The following ABHD2 variants were observed in gnomAD, a reference collection of about 807,000 sequenced individuals.
ABHD2 encodes the protein abhydrolase domain containing 2, acylglycerol lipase.
In ABHD2, 20 loss-of-function variants were observed where a neutral mutation model predicts 48.1. The ratio of observed to expected loss-of-function variants is 0.42; its 90% CI spans 0.29 to 0.60. The LOEUF is 0.60. Ranked by LOEUF, ABHD2 falls within the 20% of genes least tolerant of loss-of-function variation. The pLI is 0.24. For synonymous variants in ABHD2, 209 were observed against 214.2 expected (o/e 0.98, Z 0.21); for missense variants, 405 against 550.9 (o/e 0.74, Z 2.65).
At chr15:89,043,214 C>G in the ABHD2 span, among the ~76,000 whole-genome samples, 1 of 152,192 alleles carries the variant, frequency 6.6e-6, no homozygotes, top group Admixed American at 6.5e-5. Context: ...GGCAGCCAAC[C>G]CTGCCTGAGC....
rs576124576 is a variant in ABHD2 at position 89,099,662 on chromosome 15, G to T, written c.-107+11099G>T. ...AGGCGGGGTGCAGTAGCTCATACCT[G>T]TAATCCCAGCACTTTGGGAGGCCGA... On this transcript the variant is annotated intron_variant, in intron 1 of 10. Coordinates refer to ENST00000352732, the MANE Select transcript of ABHD2 (RefSeq NM_152924.5). 2.0e-5 allele frequency among the ~76,000 whole-genome samples: 3 copies of T among 151,038 alleles called. No homozygotes were observed. The South Asian group carries it at 6.3e-4, about 32-fold the overall frequency.
At chr15:89,048,431 C>G in the ABHD2 span, among the ~76,000 whole-genome samples, 1 of 150,446 alleles carries the variant, frequency 6.6e-6, no homozygotes, top group Admixed American at 6.6e-5. Context: ...TTTCCTGAAT[C>G]TGAACGTTGG....
At chr15:89,123,362 A>G (rs988637516) in intron 3 of ABHD2, among the ~76,000 whole-genome samples, 6 of 152,132 alleles carry the variant, frequency 3.9e-5, no homozygotes, top group Non-Finnish European at 8.8e-5. Context: ...TTCTCATCAT[A>G]ATGTGTCCAA....
At chr15:89,050,957 G>A in the ABHD2 span, among the ~76,000 whole-genome samples, 1 of 152,174 alleles carries the variant, frequency 6.6e-6, no homozygotes, top group Non-Finnish European at 1.5e-5. Context: ...AATAGGCCAG[G>A]CACAGTGGCT....
At chr15:89,160,041 A>G (rs985025809) in intron 5 of ABHD2, among the ~76,000 whole-genome samples, 1 of 152,258 alleles carries the variant, frequency 6.6e-6, no homozygotes, top group Non-Finnish European at 1.5e-5. Context: ...TGTAAAAATT[A>G]AAACATCTTT....
At chr15:89,083,550 G>A (rs1021441208), upstream of ABHD2, among the ~76,000 whole-genome samples, 2 of 152,178 alleles carry the variant, frequency 1.3e-5, no homozygotes, top group Admixed American at 1.3e-4. The surrounding 1 kb of genome is among the most constrained non-coding windows in gnomAD (Gnocchi z 5.1). Context: ...TCCTATATAT[G>A]TAAGTATAAA....
Position 89,102,697 on chromosome 15 carries a change from T to G in ABHD2, c.-106-11028T>G, listed in dbSNP as rs2049720012. The G allele has an allele frequency of 6.6e-6, 1 of 152,236 alleles. No homozygotes were observed. Among genetic ancestry groups the G allele is most frequent in the African/African-American group, 2.4e-5 (1 of 41,460 alleles). The allele number at this position is 152,236 out of a possible 1,614,324, so 9.4% of individuals were successfully genotyped here. A position where few individuals can be genotyped will look rare whatever the true frequency, so the allele number is the denominator to read the frequency against. On this transcript the variant is annotated intron_variant, in intron 1 of 10. Transcript: ENST00000352732. The surrounding 1 kb of genome is among the most constrained non-coding windows in gnomAD (Gnocchi z 4.8). Reference sequence around the variant, plus strand: ...GAAACTGATGAGGAGGCAAGACGAATGTATTGGGAAAGCCCAGCGGAGGAA... The same window carrying G: ...GAAACTGATGAGGAGGCAAGACGAAGGTATTGGGAAAGCCCAGCGGAGGAA...
At chr15:89,044,440 A>G in the ABHD2 span, among the ~76,000 whole-genome samples, 1 of 152,040 alleles carries the variant, frequency 6.6e-6, no homozygotes, top group Non-Finnish European at 1.5e-5. Context: ...GGCTGGGTCA[A>G]ATGGTATTTC....
chr15:89,175,699 A>G lies in ABHD2; in HGVS notation c.539-113A>G. On this transcript the variant is annotated intron_variant, in intron 5 of 10. Coordinates refer to ENST00000352732, the MANE Select transcript of ABHD2 (RefSeq NM_152924.5). The surrounding 1 kb of genome is among the most constrained non-coding windows in gnomAD (Gnocchi z 5.7). The stretch of plus-strand genomic sequence containing the variant: ...CACACACACGTATATATACACATAT[A>G]TATTTCTCTCTCTTTTAGTATACTG... 2 of 1,113,042 alleles carry G rather than the reference A, an allele frequency of 1.8e-6. No homozygotes were observed. The highest frequency in any genetic ancestry group is 2.1e-4 in the Middle Eastern group (1 of 4,792). The allele number at this position is 1,113,042 out of a possible 1,614,324, so 68.9% of individuals were successfully genotyped here.
the ABHD2 span, among the ~76,000 whole-genome samples, chr15:89,057,908 C>A: frequency 6.6e-6 from 1 of 152,194 alleles, no homozygotes; most frequent in African/African-American, 2.4e-5. Flanking sequence ...TGACTTCTTT[C>A]CTGCAGCTCT....
Position 89,179,511 on chromosome 15 carries a change from C to T in ABHD2, c.722+3516C>T, listed in dbSNP as rs1343141959. ...ATGATCTGTCGCTGTCTCCCATCAC[C>T]CCCAGATGGGACTGTCTAGTTGCAG... On this transcript the variant is annotated intron_variant, in intron 6 of 10. Transcript: ENST00000352732. The surrounding 1 kb of genome is among the most constrained non-coding windows in gnomAD (Gnocchi z 4.3). Among the ~76,000 whole-genome samples, 2 of 152,100 alleles carry T rather than the reference C, an allele frequency of 1.3e-5. No homozygotes were observed. Among genetic ancestry groups the T allele is most frequent in the Admixed American group, 1.3e-4 (2 of 15,266 alleles).
At chr15:89,046,934 G>A in the ABHD2 span, among the ~76,000 whole-genome samples, 1 of 151,848 alleles carries the variant, frequency 6.6e-6, no homozygotes, top group African/African-American at 2.4e-5. Context: ...CTTGCCTTCT[G>A]CTAGCTTTTG....
intron 5 of ABHD2, among the ~76,000 whole-genome samples, chr15:89,157,212 C>T (rs2050689000): frequency 6.6e-6 from 1 of 152,176 alleles, no homozygotes; most frequent in South Asian, 2.1e-4. Context: ...GTGTCTTGTA[C>T]ATAGAATTAT....
In ABHD2 at chr15:89,116,446, C is replaced by G. The variant is rs556278380; in HGVS notation, c.119C>G (p.Ala40Gly). The G allele has an allele frequency of 1.2e-6, 2 of 1,614,234 alleles. No homozygotes were observed. The highest frequency in any genetic ancestry group is 2.2e-5 in the East Asian group (1 of 44,890). Residue 40 changes from alanine (A) to glycine (G), a missense_variant, in exon 3 of 11, where the codon GCC becomes GGC. By Grantham distance (60) the Ala-to-Gly change is moderately conservative (BLOSUM62 0). Coordinates refer to ENST00000352732, the MANE Select transcript of ABHD2 (RefSeq NM_152924.5). The surrounding 1 kb of genome is among the most constrained non-coding windows in gnomAD (Gnocchi z 4.6). ...VRCLNLKSPTAPPDLYFQDSG... is the reference protein window; with the variant it reads ...VRCLNLKSPTGPPDLYFQDSG... The stretch of plus-strand genomic sequence containing the variant: ...TGTTTGAACCTGAAGAGCCCCACAG[C>G]CCCACCTGACCTCTACTTCCAGGAC...
chr15:89,135,409 A>T (rs2050291745), intron 3 of ABHD2: 1 of 594,936 alleles, frequency 1.7e-6, no homozygotes, highest in Non-Finnish European at 3.0e-6. Context: ...AACTATACAA[A>T]AAAAAAAAGA....
In ABHD2 at chr15:89,155,063, T is replaced by C. The variant is rs1474619290; in HGVS notation, c.371-304T>C. Among the ~76,000 whole-genome samples, 1 of 152,226 alleles carries C rather than the reference T, an allele frequency of 6.6e-6. No individual in the cohort carries two copies. The highest frequency in any genetic ancestry group is 1.5e-5 in the Non-Finnish European group (1 of 68,030). On this transcript the variant is annotated intron_variant, in intron 4 of 10. Coordinates refer to ENST00000352732, the MANE Select transcript of ABHD2 (RefSeq NM_152924.5). This position sits in a 1 kb window ranked among gnomAD's most constrained non-coding sequence, Gnocchi z 4.9. Reference sequence around the variant, plus strand: ...ATTTTATATTTGTTGAATCTTATAGTAGAAAATTGAGGTTTGTATATTTTT... The same window carrying C: ...ATTTTATATTTGTTGAATCTTATAGCAGAAAATTGAGGTTTGTATATTTTT...
chr15:89,052,109 G>C, the ABHD2 span, among the ~76,000 whole-genome samples: 1,945 of 152,258 alleles, frequency 0.013, 43 homozygotes, highest in African/African-American at 0.045. Flanking sequence ...GATGGAAACA[G>C]ATTTACTCCC....
At chr15:89,073,118 G>T in the ABHD2 span, among the ~76,000 whole-genome samples, 68 of 152,192 alleles carry the variant, frequency 4.5e-4, no homozygotes, top group Admixed American at 1.1e-3. Context: ...TAGTTGTGAG[G>T]AAAGCACTTT....
upstream of ABHD2, among the ~76,000 whole-genome samples, chr15:89,083,818 G>A (rs373346484): frequency 6.6e-6 from 1 of 152,116 alleles, no homozygotes; most frequent in African/African-American, 2.4e-5. This position sits in a 1 kb window ranked among gnomAD's most constrained non-coding sequence, Gnocchi z 5.1. Flanking sequence ...TTTCATCATA[G>A]TTTGTCCTCA....
Sources: allele counts gnomAD v4.1 joint callset (sites outside exome capture counted in the v4.1 genomes callset), GRCh38; gene constraint gnomAD v4.1.1; non-coding constraint Gnocchi (gnomAD v3.1); transcripts MANE v1.5; gene names NCBI Gene and HGNC (gene_info 2026-07-23, HGNC 2026-07-21).